PATJ: variants seen among roughly 807,000 people sequenced by gnomAD.
The protein encoded by PATJ is inaD-like protein.
PATJ carries 190 observed loss-of-function variants against 224.9 expected under a neutral mutation model. The observed-to-expected ratio is 0.84, with a 90% CI of 0.75 to 0.95. The LOEUF (loss-of-function observed/expected upper bound fraction) is 0.95. Ranked by LOEUF, PATJ falls within the 40% of genes least tolerant of loss-of-function variation. PATJ has a pLI of 0.00. For synonymous variants in PATJ, 769 were observed against 820.3 expected, an observed-to-expected ratio of 0.94 and a Z score of 1.07; for missense variants, 2,121 against 2,270.3, an observed-to-expected ratio of 0.93 and a Z score of 1.34.
intron 17 of PATJ, among the ~76,000 whole-genome samples, chr1:61,851,688 C>G (rs545150628): frequency 6.6e-6 from 1 of 152,194 alleles, no homozygotes; most frequent in South Asian, 2.1e-4. Flanking sequence ...TCTATTATCT[C>G]TCTAGAAAAT....
chr1:61,899,509 C>T, intron 22 of PATJ, 74 bp from the exon 23 acceptor site: 1 of 991,462 alleles, frequency 1.0e-6, no homozygotes, highest in Non-Finnish European at 1.5e-6. Flanking sequence ...TTTACAATTT[C>T]AAAACCTTCC....
At chr1:62,145,016 T>C (rs1241183880) in intron 41 of PATJ, among the ~76,000 whole-genome samples, 2 of 152,022 alleles carry the variant, frequency 1.3e-5, no homozygotes, top group Non-Finnish European at 2.9e-5. Flanking sequence ...AGTTTTGCCA[T>C]GTTACCCAGG....
intron 17 of PATJ, among the ~76,000 whole-genome samples, chr1:61,834,358 T>G (rs1238502733): frequency 1.3e-5 from 2 of 152,226 alleles, no homozygotes; most frequent in Admixed American, 6.5e-5. Context: ...ATTGCATTTA[T>G]GTTAATACAT....
At chr1:62,144,366 T>C (rs962867783) in intron 41 of PATJ, among the ~76,000 whole-genome samples, 1 of 152,204 alleles carries the variant, frequency 6.6e-6, no homozygotes, top group South Asian at 2.1e-4. Context: ...GCCTATTTTC[T>C]TTCTTTTTCT....
intron 27 of PATJ, among the ~76,000 whole-genome samples, chr1:61,980,038 G>A (rs77386383): frequency 0.088 from 13,351 of 151,950 alleles, 1,173 homozygotes; most frequent in East Asian, 0.39. Context: ...AGGGGTAGGA[G>A]GAGTGAGAGT....
At chr1:62,150,679 G>GAAAAAAA (rs56167585) in intron 42 of PATJ, among the ~76,000 whole-genome samples, 6 of 81,988 alleles carry the variant, frequency 7.3e-5, no homozygotes, top group South Asian at 5.1e-4. Context: ...CCTGTCTCAA[G>GAAAAAAA]AAAAAAAAAA....
chr1:61,909,569 C>G (rs1293331258), intron 25 of PATJ, among the ~76,000 whole-genome samples: 2 of 151,978 alleles, frequency 1.3e-5, no homozygotes, highest in Non-Finnish European at 1.5e-5. Context: ...ATCTCCTGGG[C>G]TCAAGCAATC....
intron 33 of PATJ, among the ~76,000 whole-genome samples, chr1:62,099,112 G>T (rs537454042): frequency 6.6e-6 from 1 of 152,124 alleles, no homozygotes; most frequent in Admixed American, 6.5e-5. Flanking sequence ...TGAGGATTTT[G>T]CCACCTCCGC....
At chr1:61,830,976 A>G (rs982583339) in intron 16 of PATJ, among the ~76,000 whole-genome samples, 3 of 152,100 alleles carry the variant, frequency 2.0e-5, no homozygotes, top group Non-Finnish European at 4.4e-5. Context: ...TCACGAGGTC[A>G]GGAGATTGAG....
chr1:61,797,324 ATGT>A lies in PATJ; in HGVS notation c.1304_1306del (p.Val435del). The A allele has an allele frequency of 2.5e-6, 4 of 1,613,866 alleles. No individual in the cohort carries two copies. The highest frequency in any genetic ancestry group is 1.7e-5 in the Admixed American group (1 of 60,002). On this transcript the variant is annotated inframe_deletion, in exon 11 of 44. Coordinates refer to ENST00000642238, the MANE Select transcript of PATJ (RefSeq NM_001350145.3). ...AACATTCAGGGTTTTGCCAACCATGATGTTGTTGAAGTATTACGAAATGCAGGG... is the reference window on the plus strand; with the variant it reads ...AACATTCAGGGTTTTGCCAACCATGATGTTGAAGTATTACGAAATGCAGGG...
At chr1:62,121,626 G>A (rs11207904) in intron 38 of PATJ, among the ~76,000 whole-genome samples, 26,173 of 151,746 alleles carry the variant, frequency 0.17, 3,724 homozygotes, top group East Asian at 0.73. Flanking sequence ...AAAATTAGCC[G>A]GGCGTGGTGG....
chr1:61,824,379 T>G (rs1201751680), intron 15 of PATJ, among the ~76,000 whole-genome samples: 1 of 151,792 alleles, frequency 6.6e-6, no homozygotes, highest in Non-Finnish European at 1.5e-5. Context: ...TTTTTTTTTT[T>G]TGGTGGCAAA....
chr1:62,156,833 T>A (rs1452408145), intron 43 of PATJ, among the ~76,000 whole-genome samples: 1 of 150,792 alleles, frequency 6.6e-6, no homozygotes, highest in Admixed American at 6.6e-5. Flanking sequence ...GGAGGATGGC[T>A]TGAGCCCAGG....
At chr1:62,146,197 T>C (rs1395555980) in intron 41 of PATJ, among the ~76,000 whole-genome samples, 12 of 151,820 alleles carry the variant, frequency 7.9e-5, no homozygotes, top group Non-Finnish European at 1.5e-5. Context: ...GCGTCTGGCA[T>C]GTGAGAGAAA....
chr1:61,920,724 T>TTTTC (rs1242326342), intron 26 of PATJ, among the ~76,000 whole-genome samples: 3 of 145,190 alleles, frequency 2.1e-5, no homozygotes, highest in African/African-American at 8.1e-5. Context: ...TTTTTTTTTT[T>TTTTC]TGAGACAGAG....
Position 61,763,445 on chromosome 1 carries a change from C to T in PATJ, c.189+266C>T, listed in dbSNP as rs539540789. ...AACTCAGGAGTCTGAGGTGGGAGGACTGCTTGAGCCCAGGAGTTCCAGGTT... is the reference window on the plus strand; with the variant it reads ...AACTCAGGAGTCTGAGGTGGGAGGATTGCTTGAGCCCAGGAGTTCCAGGTT... On this transcript the variant is annotated intron_variant, in intron 3 of 43. Coordinates refer to ENST00000642238, the MANE Select transcript of PATJ (RefSeq NM_001350145.3). 1.4e-3 allele frequency among the ~76,000 whole-genome samples: 213 copies of T among 151,048 alleles called. 2 individuals are homozygous for T. Among genetic ancestry groups the T allele is most frequent in the African/African-American group, 5.0e-3 (204 of 41,072 alleles).
At chr1:61,772,689 A>AAT (rs1345670392) in intron 6 of PATJ, among the ~76,000 whole-genome samples, 2 of 152,232 alleles carry the variant, frequency 1.3e-5, no homozygotes, top group African/African-American at 4.8e-5. Flanking sequence ...AAATACAGTG[A>AAT]ATAAAGTGGG....
chr1:62,065,352 T>C (rs891905105), intron 31 of PATJ, among the ~76,000 whole-genome samples: 1 of 152,192 alleles, frequency 6.6e-6, no homozygotes, highest in Admixed American at 6.6e-5. Flanking sequence ...GGCTCATGTC[T>C]GTAATCCCAG....
intron 31 of PATJ, among the ~76,000 whole-genome samples, chr1:62,058,144 T>C (rs1465780495): frequency 6.6e-6 from 1 of 152,338 alleles, no homozygotes; most frequent in East Asian, 1.9e-4. Flanking sequence ...CAGGGCAGCA[T>C]TCTTCTTGGA....
Sources: gnomAD v4.1 joint callset for allele counts (sites outside exome capture counted in the v4.1 genomes callset) on GRCh38, gnomAD v4.1.1 for gene constraint, MANE v1.5 for transcripts, NCBI Gene and HGNC (gene_info 2026-07-23, HGNC 2026-07-21) for gene names.